PCDHGA11: variants seen among roughly 807,000 people sequenced by gnomAD.
PCDHGA11 encodes the protein protocadherin gamma-A11.
In PCDHGA11, 39 loss-of-function variants were observed where a neutral mutation model predicts 60.4. The observed-to-expected ratio is 0.65, with a 90% CI of 0.50 to 0.84. PCDHGA11 has a LOEUF of 0.84. Among genes scored for constraint, PCDHGA11 ranks in the 40% least tolerant of loss-of-function variants. The probability of loss-of-function intolerance (pLI) is 0.00; values close to 1 mark genes in which losing one functional copy is unlikely to be tolerated. For missense variants in PCDHGA11, 1,165 were observed against 1,197.7 expected, an observed-to-expected ratio of 0.97 and a Z score of 0.40; for synonymous variants, 533 against 510.3, an observed-to-expected ratio of 1.04 and a Z score of -0.60.
Position 141,431,529 on chromosome 5 carries a change from T to C in PCDHGA11, c.2433+7869T>C, listed in dbSNP as rs145601545. 166 of 1,614,074 alleles carry C rather than the reference T, an allele frequency of 1.0e-4. No individual in the cohort carries two copies. In the African/African-American group the frequency reaches 2.0e-3, roughly 19 times the overall value. On this transcript the variant is annotated intron_variant, in intron 1 of 3. Coordinates refer to ENST00000398587, the MANE Select transcript of PCDHGA11 (RefSeq NM_018914.3). The surrounding 1 kb of genome is among the most constrained non-coding windows in gnomAD (Gnocchi z 4.8). The stretch of plus-strand genomic sequence containing the variant: ...GCGAGCGTTCCGGAGAATCTGGCCT[T>C]GGGCACGCAGCTGCTTGTAGTCAAC...
chr5:141,432,139 TATCCCAGAGAACA>T lies in PCDHGA11; in HGVS notation c.2433+8489_2433+8501del, dbSNP rs745506362. On this transcript the variant is annotated intron_variant, in intron 1 of 3. Transcript: ENST00000398587. The surrounding 1 kb of genome is among the most constrained non-coding windows in gnomAD (Gnocchi z 6.0). ...TCCCTCAGGCCTCCTATTCCGCTTA[TATCCCAGAGAACA>T]ATCCCAGAGGAGTTTCCCTCGTCTC... 1.1e-5 allele frequency: 17 copies of T among 1,613,976 alleles called. No individual in the cohort carries two copies. The highest frequency in any genetic ancestry group is 1.3e-5 in the African/African-American group (1 of 74,892).
At chr5:141,449,252 T>C (rs1401555556) in intron 1 of PCDHGA11, among the ~76,000 whole-genome samples, 1 of 152,144 alleles carries the variant, frequency 6.6e-6, no homozygotes, top group Non-Finnish European at 1.5e-5. Flanking sequence ...GTTGCAAGAA[T>C]TGTACAAAGA....
chr5:141,475,527 C>G (rs1462406655), intron 1 of PCDHGA11, among the ~76,000 whole-genome samples: 2 of 152,172 alleles, frequency 1.3e-5, no homozygotes, highest in African/African-American at 2.4e-5. Context: ...ATGCTAAATG[C>G]CTCCTTACAA....
intron 1 of PCDHGA11, among the ~76,000 whole-genome samples, chr5:141,455,204 T>G (rs1173402170): frequency 6.6e-6 from 1 of 152,052 alleles, no homozygotes; most frequent in Admixed American, 6.6e-5. Context: ...TTACAACCAA[T>G]AAGAGTTTTT....
At chr5:141,497,741 G>A (rs767561907) in intron 2 of PCDHGA11, among the ~76,000 whole-genome samples, 24 of 152,050 alleles carry the variant, frequency 1.6e-4, no homozygotes, top group Non-Finnish European at 2.6e-4. Context: ...GTTTCGCCAC[G>A]TTGGCCAGGC....
rs1210691847 is a variant in PCDHGA11, at chr5:141,432,985, C to T, written c.2433+9325C>T. The stretch of plus-strand genomic sequence containing the variant: ...GAGCGCCGGCGTCGCACTTTGTGGG[C>T]GTGGACGGGGTGCAGGCTTTCCTGC... On this transcript the variant is annotated intron_variant, in intron 1 of 3. Transcript: ENST00000398587. The surrounding 1 kb of genome is among the most constrained non-coding windows in gnomAD (Gnocchi z 6.0). The T allele has an allele frequency of 3.1e-6, 5 of 1,614,176 alleles. No individual in the cohort carries two copies. The highest frequency in any genetic ancestry group is 4.2e-6 in the Non-Finnish European group (5 of 1,180,034).
chr5:141,437,756 T>A (rs1208576922), intron 1 of PCDHGA11, among the ~76,000 whole-genome samples: 1 of 151,718 alleles, frequency 6.6e-6, no homozygotes, highest in Non-Finnish European at 1.5e-5. Flanking sequence ...TTTTTTTTTT[T>A]GAGACAGAGT....
At chr5:141,470,552 T>G (rs1303190360) in intron 1 of PCDHGA11, among the ~76,000 whole-genome samples, 1 of 151,966 alleles carries the variant, frequency 6.6e-6, no homozygotes, top group East Asian at 1.9e-4. Flanking sequence ...TTATTGAGAG[T>G]TTCCTCTGTG....
At chr5:141,501,334 C>CA (rs2099808390) in intron 2 of PCDHGA11, among the ~76,000 whole-genome samples, 1 of 145,376 alleles carries the variant, frequency 6.9e-6, no homozygotes, top group Non-Finnish European at 1.5e-5. Flanking sequence ...CACACACACA[C>CA]CCCAAACTCA....
intron 1 of PCDHGA11, among the ~76,000 whole-genome samples, chr5:141,447,747 C>A (rs1164160677): frequency 2.0e-5 from 3 of 152,106 alleles, no homozygotes; most frequent in Non-Finnish European, 4.4e-5. Flanking sequence ...AAGAGTCTTG[C>A]ATGTGACTGT....
intron 1 of PCDHGA11, among the ~76,000 whole-genome samples, chr5:141,447,527 A>C (rs1278828003): frequency 6.6e-6 from 1 of 152,224 alleles, no homozygotes; most frequent in East Asian, 1.9e-4. Flanking sequence ...TCATAACAAA[A>C]TTGTTGGGTT....
At position 141,421,905 on chromosome 5, in the gene PCDHGA11, A is replaced by C; in HGVS notation, c.678A>C (p.Ala226=). The change falls in exon 1 of 4, where the codon GCA becomes GCC. Residue 226 remains alanine (A), a synonymous_variant. Transcript: ENST00000398587. ...GAGGCGATCCCATCCGAAAGGGCGCAGTTCCCATTCGTGTGGTGGTCCTCG... is the reference window on the plus strand; with the variant it reads ...GAGGCGATCCCATCCGAAAGGGCGCCGTTCCCATTCGTGTGGTGGTCCTCG... ...LDGGDPIRKG[A]VPIRVVVLDV... 1 of 1,613,752 alleles carries C rather than the reference A, an allele frequency of 6.2e-7. No homozygotes were observed. The highest frequency in any genetic ancestry group is 8.5e-7 in the Non-Finnish European group (1 of 1,179,880).
intron 1 of PCDHGA11, among the ~76,000 whole-genome samples, chr5:141,461,181 A>T (rs1322465700): frequency 1.3e-5 from 2 of 152,104 alleles, no homozygotes; most frequent in Non-Finnish European, 2.9e-5. Flanking sequence ...ATTGAATGGT[A>T]GATCTGTTTT....
intron 1 of PCDHGA11, chr5:141,441,731 C>G: frequency 2.8e-6 from 1 of 362,226 alleles, no homozygotes; most frequent in South Asian, 2.2e-5. Context: ...GCGACCAGGA[C>G]TAGCTCGCGC....
chr5:141,433,222 A>G, intron 1 of PCDHGA11: 6 of 1,519,556 alleles, frequency 3.9e-6, no homozygotes, highest in Non-Finnish European at 5.4e-6. Flanking sequence ...TTTTTTTTTA[A>G]TTGCTCTGTC....
chr5:141,430,992 A>G (rs1223969128), intron 1 of PCDHGA11: 2 of 1,613,824 alleles, frequency 1.2e-6, no homozygotes, highest in Admixed American at 3.3e-5. Context: ...TTCGCCCTGA[A>G]TCCGCGCAGC....
chr5:141,485,109 CTGTT>C lies in PCDHGA11; in HGVS notation c.2434-9695_2434-9692del. ...AGATAGGTGTCTCCAGCTGCTGTGG[CTGTT>C]TGGGGCGGGTCGGCTTCATCCGCGT... On this transcript the variant is annotated intron_variant, in intron 1 of 3. Transcript: ENST00000398587. This position sits in a 1 kb window ranked among gnomAD's most constrained non-coding sequence, Gnocchi z 5.7. 8.1e-7 allele frequency: 1 copy of C among 1,230,964 alleles called. No individual in the cohort carries two copies. Among genetic ancestry groups the C allele is most frequent in the Non-Finnish European group, 1.2e-6 (1 of 850,026 alleles). The allele number at this position is 1,230,964 out of a possible 1,614,324, so 76.3% of individuals were successfully genotyped here.
At chr5:141,484,857 G>C in intron 1 of PCDHGA11, 1 of 264,370 alleles carries the variant, frequency 3.8e-6, no homozygotes. Flanking sequence ...TTTTTGGGGG[G>C]TGGGGGAGCG....
chr5:141,433,033 C>A, intron 1 of PCDHGA11: 2 of 1,614,164 alleles, frequency 1.2e-6, no homozygotes, highest in Non-Finnish European at 1.7e-6. Flanking sequence ...ACGAGGTTTC[C>A]CTCACCACGG....
Sources: allele counts gnomAD v4.1 joint callset (sites outside exome capture counted in the v4.1 genomes callset), GRCh38; gene constraint gnomAD v4.1.1; non-coding constraint Gnocchi (gnomAD v3.1); transcripts MANE v1.5; gene names NCBI Gene and HGNC (gene_info 2026-07-23, HGNC 2026-07-21).